AFAP1L2: variants seen among roughly 807,000 people sequenced by gnomAD.
The protein encoded by AFAP1L2 is actin filament associated protein 1 like 2.
Under a neutral mutation model 99.3 loss-of-function variants are expected in AFAP1L2, and 46 were observed. The ratio of observed to expected loss-of-function variants is 0.46; its 90% CI spans 0.37 to 0.59. The LOEUF (loss-of-function observed/expected upper bound fraction) is 0.59, where lower values mean the gene tolerates loss of function less well. Ranked by LOEUF, AFAP1L2 falls within the 20% of genes least tolerant of loss-of-function variation. The pLI is 0.00. For missense variants in AFAP1L2, 959 were observed against 1,034.9 expected, an observed-to-expected ratio of 0.93 and a Z score of 1.01; for synonymous variants, 397 against 419.1, an observed-to-expected ratio of 0.95 and a Z score of 0.64.
intron 1 of AFAP1L2, among the ~76,000 whole-genome samples, chr10:114,369,072 C>T (rs1441563378): frequency 2.6e-5 from 4 of 152,034 alleles, no homozygotes; most frequent in Non-Finnish European, 5.9e-5. Context: ...TCATAAAATC[C>T]AATTATGAGA....
intron 5 of AFAP1L2, among the ~76,000 whole-genome samples, chr10:114,321,680 A>C (rs529907895): frequency 6.6e-6 from 1 of 152,330 alleles, no homozygotes; most frequent in South Asian, 2.1e-4. Flanking sequence ...GAGAAGGAGG[A>C]CAGAAGGGGA....
intron 13 of AFAP1L2, among the ~76,000 whole-genome samples, chr10:114,301,097 AC>A (rs1247055001): frequency 6.6e-6 from 1 of 152,132 alleles, no homozygotes; most frequent in African/African-American, 2.4e-5. Flanking sequence ...CAATCCCACC[AC>A]CACACCCCTA....
rs779196403 is a variant in AFAP1L2, at chr10:114,340,594, C to G, written c.145+9G>C. On this transcript the variant is annotated intron_variant, in intron 2 of 18. Transcript: ENST00000304129. ...GGAGGCCTCTGCACCACCCAGGGCCCACACTCACTGCTGCTTTTGGTGTAA... is the reference window on the plus strand; with the variant it reads ...GGAGGCCTCTGCACCACCCAGGGCCGACACTCACTGCTGCTTTTGGTGTAA... 1.2e-6 allele frequency: 2 copies of G among 1,613,408 alleles called. No individual in the cohort carries two copies. Among genetic ancestry groups the G allele is most frequent in the East Asian group, 2.2e-5 (1 of 44,878 alleles).
chr10:114,341,726 T>C (rs2048857615), intron 1 of AFAP1L2, among the ~76,000 whole-genome samples: 1 of 152,146 alleles, frequency 6.6e-6, no homozygotes, highest in Non-Finnish European at 1.5e-5. Flanking sequence ...GTCACTGTCA[T>C]ACTCCACAGC....
chr10:114,281,947 C>T, the AFAP1L2 span, among the ~76,000 whole-genome samples: 597 of 151,626 alleles, frequency 3.9e-3, 9 homozygotes, highest in African/African-American at 0.013. Flanking sequence ...TAATAAAAAG[C>T]TGTTGCTACA....
Position 114,302,424 on chromosome 10 carries a change from T to G in AFAP1L2, c.1345A>C (p.Lys449Gln). ...TAGGTGAACTCTTCTGGGTCTGTCT[T>G]GGAGCCTGACTCAGAGAGCAGGAGA... ...LGLLLSESGSKTDPEEFTYDY... is the reference protein window; with the variant it reads ...LGLLLSESGSQTDPEEFTYDY... Residue 449 changes from lysine to glutamine, a missense_variant, in exon 12 of 19, where the codon AAG becomes CAG. Transcript: ENST00000304129. The G allele has an allele frequency of 1.9e-6, 3 of 1,614,160 alleles. No homozygotes were observed. The highest frequency in any genetic ancestry group is 2.5e-6 in the Non-Finnish European group (3 of 1,180,020).
chr10:114,320,395 A>C (rs1051666068), intron 5 of AFAP1L2, among the ~76,000 whole-genome samples: 1 of 152,230 alleles, frequency 6.6e-6, no homozygotes, highest in Admixed American at 6.5e-5. Context: ...CTGGGGCCCC[A>C]CGCCTATTCC....
the AFAP1L2 span, chr10:114,282,699 C>A: frequency 1.3e-6 from 1 of 749,122 alleles, no homozygotes; most frequent in Non-Finnish European, 2.4e-6. Context: ...AGGGATGGGG[C>A]ACTTGGGGGG....
chr10:114,403,788 TC>T (rs1456988230), intron 1 of AFAP1L2, among the ~76,000 whole-genome samples: 1 of 152,108 alleles, frequency 6.6e-6, no homozygotes, highest in African/African-American at 2.4e-5. Flanking sequence ...AGCTAAGCCC[TC>T]GGGTCCGGAC....
chr10:114,326,092 C>G, intron 4 of AFAP1L2: 1 of 1,252,332 alleles, frequency 8.0e-7, no homozygotes, highest in Non-Finnish European at 1.0e-6. Context: ...AGGAGCTCCC[C>G]ATGGGTCATC....
chr10:114,369,957 G>A (rs114265903), intron 1 of AFAP1L2, among the ~76,000 whole-genome samples: 2,619 of 152,152 alleles, frequency 0.017, 64 homozygotes, highest in African/African-American at 0.055. Flanking sequence ...GGGTAGTAAC[G>A]GGAAGAGAGT....
downstream of AFAP1L2, among the ~76,000 whole-genome samples, chr10:114,291,042 A>T (rs1038387738): frequency 6.6e-6 from 1 of 152,090 alleles, no homozygotes; most frequent in African/African-American, 2.4e-5. Flanking sequence ...TGGCTTCCTA[A>T]GGCCAGAGAG....
At chr10:114,373,675 A>C (rs891543810) in intron 1 of AFAP1L2, among the ~76,000 whole-genome samples, 2 of 152,070 alleles carry the variant, frequency 1.3e-5, no homozygotes, top group African/African-American at 4.8e-5. Context: ...AAAACAAAAA[A>C]TTTCAGTTCC....
intron 2 of AFAP1L2, among the ~76,000 whole-genome samples, chr10:114,333,719 G>A (rs2047540968): frequency 1.3e-5 from 2 of 152,250 alleles, no homozygotes; most frequent in Admixed American, 6.5e-5. Flanking sequence ...ACTGAAGCAG[G>A]AGAATCACTT....
the AFAP1L2 span, chr10:114,286,340 C>G: frequency 6.2e-7 from 1 of 1,613,298 alleles, no homozygotes; most frequent in Non-Finnish European, 8.5e-7. Context: ...CCCAGCGCGT[C>G]ACGCAAGGGC....
chr10:114,391,681 G>A (rs1029998113), intron 1 of AFAP1L2, among the ~76,000 whole-genome samples: 1 of 152,248 alleles, frequency 6.6e-6, no homozygotes, highest in African/African-American at 2.4e-5. Context: ...TACAAGATGA[G>A]GTGAGGGTTA....
chr10:114,395,117 A>G (rs1402239333), intron 1 of AFAP1L2, among the ~76,000 whole-genome samples: 1 of 152,136 alleles, frequency 6.6e-6, no homozygotes, highest in African/African-American at 2.4e-5. Context: ...GTGCCACTTC[A>G]CCATCCTTTA....
chr10:114,340,808 T>C, intron 1 of AFAP1L2, 77 bp from the exon 2 acceptor site: 2 of 1,596,158 alleles, frequency 1.3e-6, no homozygotes, highest in Non-Finnish European at 1.7e-6. Context: ...CTCGGGACCC[T>C]GCAGCCTCCC....
At chr10:114,384,686 C>T (rs1248629071) in intron 1 of AFAP1L2, among the ~76,000 whole-genome samples, 1 of 152,254 alleles carries the variant, frequency 6.6e-6, no homozygotes, top group Non-Finnish European at 1.5e-5. Flanking sequence ...AGCCCAGCAG[C>T]ACCGGTTAAA....
Sources: gnomAD v4.1 joint callset for allele counts (sites outside exome capture counted in the v4.1 genomes callset) on GRCh38, gnomAD v4.1.1 for gene constraint, MANE v1.5 for transcripts, NCBI Gene and HGNC (gene_info 2026-07-23, HGNC 2026-07-21) for gene names.